Variants in PIF1 observed in about 807,000 individuals in gnomAD.
PIF1 encodes the protein PIF1 5'-to-3' DNA helicase.
A neutral mutation model predicts 62.3 loss-of-function variants in PIF1; 67 were observed. The observed-to-expected ratio is 1.08, with a 90% CI of 0.88 to 1.32. The LOEUF (loss-of-function observed/expected upper bound fraction) is 1.32. Among genes scored for constraint, PIF1 ranks in the 40% most tolerant of loss-of-function variants. PIF1 has a pLI of 0.00. For synonymous variants in PIF1, 364 were observed against 379.5 expected (o/e 0.96, Z 0.47); for missense variants, 886 against 866.1 (o/e 1.02, Z -0.29).
chr15:64,820,002 T>C lies in PIF1; in HGVS notation c.1194-16A>G, dbSNP rs527863720. Reference sequence around the variant, plus strand: ...ATCTGAACACCTGTTGGGGCTGGACTGTCAGGGCAGAGCCCACCTGTGCAG... The same window carrying C: ...ATCTGAACACCTGTTGGGGCTGGACCGTCAGGGCAGAGCCCACCTGTGCAG... On this transcript the variant is annotated splice_polypyrimidine_tract_variant and intron_variant, in intron 7 of 12. Coordinates refer to ENST00000559239, the MANE Select transcript of PIF1 (RefSeq NM_001286496.2). The C allele has an allele frequency of 6.2e-7, 1 of 1,611,272 alleles. No homozygotes were observed. The highest frequency in any genetic ancestry group is 1.1e-5 in the South Asian group (1 of 90,580).
intron 4 of PIF1, 49 bp from the exon 5 acceptor site, chr15:64,821,569 T>A (rs982535688): frequency 1.9e-4 from 39 of 208,332 alleles, no homozygotes; most frequent in Non-Finnish European, 2.7e-4. Context: ...GCCTCTCTTT[T>A]TTTTTTTTTT....
intron 7 of PIF1, among the ~76,000 whole-genome samples, chr15:64,820,421 G>A (rs533130011): frequency 1.9e-4 from 29 of 152,132 alleles, no homozygotes; most frequent in South Asian, 1.0e-3. Context: ...TTTTTGAGAC[G>A]GAGTCTCGCT....
At chr15:64,817,210 A>G (rs532075715) in intron 11 of PIF1, among the ~76,000 whole-genome samples, 4 of 152,262 alleles carry the variant, frequency 2.6e-5, no homozygotes, top group African/African-American at 9.6e-5. Context: ...GGGGAAGTGA[A>G]TGTATCCAGG....
intron 8 of PIF1, among the ~76,000 whole-genome samples, chr15:64,819,432 G>A (rs542007095): frequency 6.6e-6 from 1 of 152,118 alleles, no homozygotes; most frequent in African/African-American, 2.4e-5. Context: ...TCAGCCTCCC[G>A]AATAGCTGGG....
At chr15:64,820,603 G>T (rs546695829) in intron 7 of PIF1, among the ~76,000 whole-genome samples, 62 of 152,128 alleles carry the variant, frequency 4.1e-4, no homozygotes, top group Non-Finnish European at 6.5e-4. Context: ...CACCAGGTTG[G>T]CCAGGCTGGT....
In PIF1 at chr15:64,824,143, G is replaced by A. The variant is rs1362133569; in HGVS notation, c.193C>T (p.Arg65Trp). 2 of 1,290,042 alleles carry A rather than the reference G, an allele frequency of 1.6e-6. No individual in the cohort carries two copies. The highest frequency in any genetic ancestry group is 2.4e-5 in the South Asian group (1 of 41,132). The allele number at this position is 1,290,042 out of a possible 1,614,324, so 79.9% of individuals were successfully genotyped here. A position where few individuals can be genotyped will look rare whatever the true frequency, so the allele number is the denominator to read the frequency against. The change falls in exon 2 of 13, where the codon CGG (arginine) becomes TGG (tryptophan). Residue 65 changes from arginine to tryptophan, a missense_variant. Coordinates refer to ENST00000559239, the MANE Select transcript of PIF1 (RefSeq NM_001286496.2). ...LRLQAPGPAG[R>W]PRCFPLRAAR... ...GCGCGCAGAGGAAAGCAGCGCGGCC[G>A]CCCCGCGGGCCCTGGCGCTTGCAGC...
At chr15:64,825,377 G>A (rs2084354737) in intron 1 of PIF1, among the ~76,000 whole-genome samples, 192 bp downstream of exon 1, 2 of 152,188 alleles carry the variant, frequency 1.3e-5, no homozygotes, top group Non-Finnish European at 1.5e-5. Context: ...ACAGCGGCTA[G>A]TAGTCAAAGT....
chr15:64,824,548 C>G (rs755784448), intron 1 of PIF1, among the ~76,000 whole-genome samples, 194 bp from the exon 2 acceptor site: 2 of 152,060 alleles, frequency 1.3e-5, no homozygotes, highest in Non-Finnish European at 2.9e-5. Context: ...GAAAATCCAC[C>G]CTTAGAATAT....
At position 64,816,103 on chromosome 15, in the gene PIF1, G is replaced by A; in HGVS notation, c.*195C>T. 1.4e-6 allele frequency: 2 copies of A among 1,452,702 alleles called. No homozygotes were observed. Among genetic ancestry groups the A allele is most frequent in the Non-Finnish European group, 1.8e-6 (2 of 1,108,400 alleles). 90.0% of individuals were successfully genotyped at this position (1,452,702 alleles called of 1,614,324 possible). ...GCAGCTTACCCAGGGCAAAGTGAGAGAAACTGAAGCACAGCTGGTATATGG... is the reference window on the plus strand; with the variant it reads ...GCAGCTTACCCAGGGCAAAGTGAGAAAAACTGAAGCACAGCTGGTATATGG... On this transcript the variant is annotated 3_prime_UTR_variant, in exon 13 of 13. Transcript: ENST00000559239.
rs1408549909 is a variant in PIF1, at chr15:64,823,949, A to G, written c.387T>C (p.Gly129=). 6.9e-6 allele frequency: 9 copies of G among 1,306,766 alleles called. No individual in the cohort carries two copies. The highest frequency in any genetic ancestry group is 8.8e-6 in the Non-Finnish European group (9 of 1,024,930). The allele number at this position is 1,306,766 out of a possible 1,614,324, so 80.9% of individuals were successfully genotyped here. A position where few individuals can be genotyped will look rare whatever the true frequency, so the allele number is the denominator to read the frequency against. ...TLRLKLAAAP[G]PGPASARAQL... ...GCGCTCGGGCGGAGGCCGGCCCGGG[A>G]CCCGGGGCCGCAGCCAGCTTGAGGC... Residue 129 remains glycine, a synonymous_variant, in exon 2 of 13, where the codon GGT becomes GGC. Transcript: ENST00000559239.
In PIF1 at chr15:64,817,925, GC is replaced by G. The variant is rs60814085; in HGVS notation, c.1674+20del. 0.034 allele frequency: 53,832 copies of G among 1,595,732 alleles called. 1,027 individuals carry two copies. The highest frequency in any genetic ancestry group is 0.069 in the Middle Eastern group (410 of 5,982). ...ACCTCCCTCTGCCCTCCCTGTCCCT[GC>G]CCCCCACACCGGTGCTCACTTGGCT... On this transcript the variant is annotated intron_variant, in intron 11 of 12. Transcript: ENST00000559239.
intron 11 of PIF1, 61 bp from the exon 12 acceptor site, chr15:64,816,826 C>T (rs1419077852): frequency 2.7e-6 from 4 of 1,467,294 alleles, no homozygotes; most frequent in South Asian, 1.4e-5. Flanking sequence ...CCCCGAAAGG[C>T]CTGACCCTTT....
chr15:64,818,610 A>G (rs958979109), intron 9 of PIF1: 1 of 465,662 alleles, frequency 2.1e-6, no homozygotes, highest in South Asian at 2.3e-5. Context: ...GGCAACCTCT[A>G]TCACAGGGCT....
upstream of PIF1, among the ~76,000 whole-genome samples, chr15:64,826,627 TATATATATATATATA>T (rs2084370703): frequency 5.4e-4 from 6 of 11,046 alleles, no homozygotes; most frequent in African/African-American, 1.2e-3. Flanking sequence ...AGCTAATTTA[TATATATATATATATA>T]TATATATATA....
At chr15:64,822,080 G>T in intron 4 of PIF1, 186 bp downstream of exon 4, 8 of 696,714 alleles carry the variant, frequency 1.1e-5, no homozygotes, top group African/African-American at 1.8e-5. Context: ...TTACTGTGTT[G>T]GCCAGGCTGG....
At position 64,821,528 on chromosome 15, in the gene PIF1, T is replaced by C. The variant is rs755572262; in HGVS notation, c.818-8A>G. The stretch of plus-strand genomic sequence containing the variant: ...CCTGGCCTGAGCCGATGCCTGTGAG[T>C]GACACTATTCAGCCTGGGCTAATAC... On this transcript the variant is annotated splice_region_variant and splice_polypyrimidine_tract_variant and intron_variant, in intron 4 of 12. Coordinates refer to ENST00000559239, the MANE Select transcript of PIF1 (RefSeq NM_001286496.2). The C allele has an allele frequency of 2.5e-6, 4 of 1,586,574 alleles. No individual in the cohort carries two copies. The East Asian group carries it at 6.8e-5, about 27-fold the overall frequency.
chr15:64,826,663 TATACACACACACACAC>T (rs2084373972), upstream of PIF1, among the ~76,000 whole-genome samples: 2 of 27,334 alleles, frequency 7.3e-5, no homozygotes, highest in Non-Finnish European at 1.4e-4. Flanking sequence ...TATATATATA[TATACACACACACACAC>T]ATATATACAC....
chr15:64,818,462 A>G (rs1412990420), intron 9 of PIF1, 118 bp from the exon 10 acceptor site: 2 of 931,692 alleles, frequency 2.1e-6, no homozygotes, highest in Non-Finnish European at 3.2e-6. Context: ...CTGAATCCCA[A>G]TCCTTAGCTC....
chr15:64,823,846 T>G lies in PIF1; in HGVS notation c.490A>C (p.Thr164Pro), dbSNP rs755867842. 7.3e-7 allele frequency: 1 copy of G among 1,378,146 alleles called. No homozygotes were observed. The highest frequency in any genetic ancestry group is 2.8e-5 in the East Asian group (1 of 36,084). 85.4% of individuals were successfully genotyped at this position (1,378,146 alleles called of 1,614,324 possible). A position where few individuals can be genotyped will look rare whatever the true frequency, so the allele number is the denominator to read the frequency against. ...ACCAGCGTAGTGTCCGGAACCCGGG[T>G]GGCCGCCCTGAGCCGCCGCTCCTCG... The part of the protein sequence containing the change: ...QPEERRLRAA[T>P]RVPDTTLVKR... The change falls in exon 2 of 13, where the codon ACC (threonine) becomes CCC (proline). Residue 164 changes from threonine to proline, a missense_variant. Coordinates refer to ENST00000559239, the MANE Select transcript of PIF1 (RefSeq NM_001286496.2).
Sources: allele counts gnomAD v4.1 joint callset (sites outside exome capture counted in the v4.1 genomes callset), GRCh38; gene constraint gnomAD v4.1.1; transcripts MANE v1.5; gene names NCBI Gene and HGNC (gene_info 2026-07-23, HGNC 2026-07-21).